The following RAP1GAP variants were observed in gnomAD, a reference collection of about 807,000 sequenced individuals.
RAP1GAP encodes RAP1 GTPase activating protein.
Under a neutral mutation model 87.2 loss-of-function variants are expected in RAP1GAP, and 35 were observed. That is an observed-to-expected ratio of 0.40 (90% confidence interval 0.31 to 0.53). The LOEUF (loss-of-function observed/expected upper bound fraction) is 0.53. RAP1GAP is among the 20% of genes least tolerant of loss of function. The pLI, the probability that RAP1GAP is intolerant of heterozygous loss-of-function variation, is 0.48. For synonymous variants in RAP1GAP, 375 were observed against 363.9 expected (o/e 1.03, Z -0.35); for missense variants, 734 against 898.9 (o/e 0.82, Z 2.35).
In RAP1GAP at chr1:21,613,025, C is replaced by T; in HGVS notation, c.528+151G>A. The T allele has an allele frequency of 1.1e-6, 1 of 873,286 alleles. No individual in the cohort carries two copies. Among genetic ancestry groups the T allele is most frequent in the Non-Finnish European group, 1.8e-6 (1 of 541,082 alleles). 54.1% of individuals were successfully genotyped at this position (873,286 alleles called of 1,614,324 possible). ...GGCACAGGCCCTTTCGGTGGCTCCT[C>T]TTCTGCAAATTGTGGACTTCACAGG... On this transcript the variant is annotated intron_variant, in intron 10 of 24. Transcript: ENST00000374765. The surrounding 1 kb of genome is among the most constrained non-coding windows in gnomAD (Gnocchi z 4.7).
chr1:21,633,744 T>C (rs965166573), intron 2 of RAP1GAP, among the ~76,000 whole-genome samples: 6 of 152,054 alleles, frequency 3.9e-5, no homozygotes, highest in Non-Finnish European at 7.4e-5. Context: ...CCTGAGGGGT[T>C]CCGGCCAGTC....
chr1:21,611,658 C>T, intron 12 of RAP1GAP, 58 bp downstream of exon 12: 1 of 1,612,560 alleles, frequency 6.2e-7, no homozygotes, highest in Non-Finnish European at 8.5e-7. Flanking sequence ...CAGGGGCTCC[C>T]TCCCTGCCCA....
rs188998263 is a variant in RAP1GAP, at chr1:21,628,594, C to A, written c.-112-2197G>T. On this transcript the variant is annotated intron_variant, in intron 2 of 24. Transcript: ENST00000374765. ...AATTAACTGGGCATGGTGGTGCACG[C>A]CTATAGTCCCAGCTACTTGGGAGGC... 4.5e-3 allele frequency among the ~76,000 whole-genome samples: 689 copies of A among 152,172 alleles called. 3 individuals carry two copies. The highest frequency in any genetic ancestry group is 0.015 in the African/African-American group (614 of 41,504).
intron 3 of RAP1GAP, among the ~76,000 whole-genome samples, chr1:21,625,710 C>T (rs2091688534): frequency 6.6e-6 from 1 of 152,200 alleles, no homozygotes; most frequent in African/African-American, 2.4e-5. Flanking sequence ...ATTTGATGTC[C>T]TGCATACATT....
At chr1:21,635,210 G>A (rs1025745812) in intron 2 of RAP1GAP, among the ~76,000 whole-genome samples, 12 of 152,202 alleles carry the variant, frequency 7.9e-5, no homozygotes, top group Non-Finnish European at 1.3e-4. Flanking sequence ...CCCAGCACCC[G>A]TCAGCCCATA....
intron 17 of RAP1GAP, among the ~76,000 whole-genome samples, chr1:21,607,054 C>T (rs576579222): frequency 3.9e-5 from 6 of 152,216 alleles, no homozygotes; most frequent in Non-Finnish European, 7.3e-5. Flanking sequence ...GGGCTAATTC[C>T]CTTATTCCAA....
chr1:21,622,240 C>T lies in RAP1GAP; in HGVS notation c.-18-2190G>A. On this transcript the variant is annotated intron_variant, in intron 3 of 24. Transcript: ENST00000374765. This position sits in a 1 kb window ranked among gnomAD's most constrained non-coding sequence, Gnocchi z 5.7. Reference sequence around the variant, plus strand: ...ACGCCCACCATGACGGAGCCTTGTCCGCCCGCCCTGGCTGGGGCAGAGCCG... The same window carrying T: ...ACGCCCACCATGACGGAGCCTTGTCTGCCCGCCCTGGCTGGGGCAGAGCCG... 2 of 364,020 alleles carry T rather than the reference C, an allele frequency of 5.5e-6. No individual in the cohort carries two copies. The highest frequency in any genetic ancestry group is 1.0e-5 in the Non-Finnish European group (2 of 199,696). 22.5% of individuals were successfully genotyped at this position (364,020 alleles called of 1,614,324 possible). A position where few individuals can be genotyped will look rare whatever the true frequency, so the allele number is the denominator to read the frequency against.
At chr1:21,661,109 G>A (rs1003575160) in intron 1 of RAP1GAP, among the ~76,000 whole-genome samples, 13 of 152,082 alleles carry the variant, frequency 8.5e-5, no homozygotes, top group African/African-American at 2.4e-4. Context: ...AAAATTAGCT[G>A]GGCGTAGTGG....
At position 21,634,803 on chromosome 1, in the gene RAP1GAP, T is replaced by C; in HGVS notation, c.-112-8406A>G. ...ATCTGTCTCCCTTGCTCAGGTGGCC[T>C]GAGCCCCACTGTGGCCAAAACCTGA... On this transcript the variant is annotated intron_variant, in intron 2 of 24. Transcript: ENST00000374765. This position sits in a 1 kb window ranked among gnomAD's most constrained non-coding sequence, Gnocchi z 4.1. 1 of 437,614 alleles carries C rather than the reference T, an allele frequency of 2.3e-6. No homozygotes were observed. Among genetic ancestry groups the C allele is most frequent in the African/African-American group, 2.0e-5 (1 of 49,802 alleles). 27.1% of individuals were successfully genotyped at this position (437,614 alleles called of 1,614,324 possible).
chr1:21,660,749 C>A (rs2097125257), intron 1 of RAP1GAP, among the ~76,000 whole-genome samples: 1 of 152,186 alleles, frequency 6.6e-6, no homozygotes, highest in South Asian at 2.1e-4. Context: ...TGCACACAGA[C>A]ACCTTAGCAT....
intron 6 of RAP1GAP, 115 bp downstream of exon 6, chr1:21,617,818 GC>G (rs2083275178): frequency 2.1e-6 from 3 of 1,431,610 alleles, no homozygotes; most frequent in Admixed American, 3.4e-5. Flanking sequence ...TAAGTCTCCA[GC>G]CCGCAGCAAG....
At chr1:21,667,837 A>T (rs1190409929) in intron 1 of RAP1GAP, among the ~76,000 whole-genome samples, 1 of 152,148 alleles carries the variant, frequency 6.6e-6, no homozygotes, top group African/African-American at 2.4e-5. Flanking sequence ...TGAAGGGGGA[A>T]ATTGCTCGTG....
chr1:21,664,399 T>C (rs1571553664), intron 1 of RAP1GAP, among the ~76,000 whole-genome samples: 1 of 152,074 alleles, frequency 6.6e-6, no homozygotes, highest in South Asian at 2.1e-4. Context: ...TTTGGGGAAA[T>C]GCAGACTCCT....
chr1:21,654,184 G>T (rs1158908985), intron 1 of RAP1GAP, among the ~76,000 whole-genome samples: 2 of 152,200 alleles, frequency 1.3e-5, no homozygotes, highest in African/African-American at 4.8e-5. Context: ...TGGTCCTTTG[G>T]TGACGGCTGA....
rs753793537 is a variant in RAP1GAP at position 21,609,600 on chromosome 1, A to AG, written c.1045dup (p.Leu349ProfsTer12). On this transcript the variant is annotated frameshift_variant, in exon 15 of 25. Coordinates refer to ENST00000374765, the MANE Select transcript of RAP1GAP (RefSeq NM_002885.4). LOFTEE classifies it high-confidence loss of function. This position sits in a 1 kb window ranked among gnomAD's most constrained non-coding sequence, Gnocchi z 4.4. ...CTTCCTGAACACAGCGGGGTCCGGG[A>AG]GGGGGGGTCCAAAGAAGGGCACATC... 18 of 1,571,948 alleles carry AG rather than the reference A, an allele frequency of 1.1e-5. No homozygotes were observed. The highest frequency in any genetic ancestry group is 3.5e-5 in the Admixed American group (2 of 56,474).
In RAP1GAP at chr1:21,599,410, G is replaced by T; in HGVS notation, c.1776+84C>A. The T allele has an allele frequency of 4.0e-6, 6 of 1,517,776 alleles. No homozygotes were observed. In the South Asian group the frequency reaches 7.6e-5, roughly 19 times the overall value. The allele number at this position is 1,517,776 out of a possible 1,614,324, so 94.0% of individuals were successfully genotyped here. On this transcript the variant is annotated intron_variant, in intron 21 of 24. Transcript: ENST00000374765. The stretch of plus-strand genomic sequence containing the variant: ...TCACATCTCAGCCACGCCCAGGCTC[G>T]TGGTTCTACTCAGGGCATCTCCAGG...
At chr1:21,646,727 TAC>T (rs2096084002) in intron 2 of RAP1GAP, among the ~76,000 whole-genome samples, 1 of 152,178 alleles carries the variant, frequency 6.6e-6, no homozygotes, top group Admixed American at 6.5e-5. Context: ...TCCATTTGAA[TAC>T]ACTTTAAATG....
intron 1 of RAP1GAP, among the ~76,000 whole-genome samples, chr1:21,662,747 G>T (rs1233473734): frequency 6.6e-6 from 1 of 152,068 alleles, no homozygotes; most frequent in Non-Finnish European, 1.5e-5. Flanking sequence ...GCAGTACACA[G>T]AAATGGCTAA....
intron 11 of RAP1GAP, 46 bp from the exon 12 acceptor site, chr1:21,611,862 C>A: frequency 6.4e-7 from 1 of 1,557,046 alleles, no homozygotes; most frequent in Non-Finnish European, 8.9e-7. Context: ...TCCTGAGAAG[C>A]CCCTGCCCTC....
Sources: allele counts gnomAD v4.1 joint callset (sites outside exome capture counted in the v4.1 genomes callset), GRCh38; gene constraint gnomAD v4.1.1; non-coding constraint Gnocchi (gnomAD v3.1); transcripts MANE v1.5; gene names NCBI Gene and HGNC (gene_info 2026-07-23, HGNC 2026-07-21).